Variants in ATP11B observed in about 807,000 individuals in gnomAD.
The protein encoded by ATP11B is phospholipid-transporting ATPase IF.
ATP11B carries 81 observed loss-of-function variants against 157.8 expected under a neutral mutation model. The observed-to-expected ratio is 0.51, with a 90% CI of 0.43 to 0.62. ATP11B has a LOEUF of 0.62. ATP11B is among the 20% of genes least tolerant of loss of function. The probability of loss-of-function intolerance (pLI) is 0.00; values close to 1 mark genes in which losing one functional copy is unlikely to be tolerated. For missense variants in ATP11B, 1,165 were observed against 1,402.2 expected (o/e 0.83, Z 2.70); for synonymous variants, 451 against 469.4 (o/e 0.96, Z 0.51).
At chr3:182,881,122 C>T in intron 21 of ATP11B, 141 bp downstream of exon 21, 2 of 548,296 alleles carry the variant, frequency 3.6e-6, no homozygotes, top group South Asian at 6.4e-5. Flanking sequence ...TAATATAGCA[C>T]AGTGTGCCCC....
Position 182,845,395 on chromosome 3 carries a change from A to G in ATP11B, c.705-63A>G, listed in dbSNP as rs570990408. 702 of 1,384,394 alleles carry G rather than the reference A, an allele frequency of 5.1e-4. 4 individuals are homozygous for G. The highest frequency in any genetic ancestry group is 3.6e-3 in the Middle Eastern group (20 of 5,556). 85.8% of individuals were successfully genotyped at this position (1,384,394 alleles called of 1,614,324 possible). A position where few individuals can be genotyped will look rare whatever the true frequency, so the allele number is the denominator to read the frequency against. On this transcript the variant is annotated intron_variant, in intron 8 of 29. Transcript: ENST00000323116. ...TTAAGTACCTTCTGCTGAAGATGCCATTTCAGAATTGAAGAGTTTTTAATA... is the reference window on the plus strand; with the variant it reads ...TTAAGTACCTTCTGCTGAAGATGCCGTTTCAGAATTGAAGAGTTTTTAATA...
chr3:182,859,121 G>C, intron 11 of ATP11B, 41 bp from the exon 12 acceptor site: 1 of 1,471,062 alleles, frequency 6.8e-7, no homozygotes, highest in Non-Finnish European at 9.3e-7. Context: ...AGAAATTCTA[G>C]TTTATTTTTT....
At chr3:182,837,812 A>G (rs1718671096) in intron 7 of ATP11B, among the ~76,000 whole-genome samples, 1 of 152,104 alleles carries the variant, frequency 6.6e-6, no homozygotes, top group East Asian at 1.9e-4. Context: ...AGAGGAACTA[A>G]CTGCTTTTAA....
At chr3:182,812,702 T>A (rs893058340) in intron 1 of ATP11B, among the ~76,000 whole-genome samples, 2 of 152,206 alleles carry the variant, frequency 1.3e-5, no homozygotes, top group Non-Finnish European at 2.9e-5. Context: ...GAAGTTGATT[T>A]CTAAAAATTG....
chr3:182,835,130 G>A (rs1056380040), intron 4 of ATP11B, among the ~76,000 whole-genome samples: 3 of 152,042 alleles, frequency 2.0e-5, no homozygotes, highest in Admixed American at 6.6e-5. Context: ...GGGTGGCAGA[G>A]GTACAAGAGG....
chr3:182,904,879 ACTT>A (rs1333739863), intron 28 of ATP11B, among the ~76,000 whole-genome samples: 4 of 134,930 alleles, frequency 3.0e-5, no homozygotes, highest in South Asian at 2.4e-4. Flanking sequence ...GCAGAGTGGG[ACTT>A]CTTCTTAAAA....
intron 28 of ATP11B, among the ~76,000 whole-genome samples, chr3:182,912,367 A>T (rs924080656): frequency 1.3e-5 from 2 of 152,020 alleles, no homozygotes; most frequent in Admixed American, 1.3e-4. Context: ...ATGTATCCTG[A>T]CTTCACAGTC....
intron 10 of ATP11B, among the ~76,000 whole-genome samples, chr3:182,850,181 A>T (rs1719859705): frequency 1.3e-5 from 2 of 152,142 alleles, no homozygotes; most frequent in African/African-American, 4.8e-5. Flanking sequence ...CATATAAATA[A>T]TCAACTCAAC....
intron 28 of ATP11B, chr3:182,902,520 G>A (rs761950526): frequency 1.6e-5 from 20 of 1,289,212 alleles, no homozygotes; most frequent in Non-Finnish European, 1.9e-5. Context: ...CGAGTTCATC[G>A]CACTGCAGCC....
At chr3:182,865,367 T>C in intron 12 of ATP11B, 89 bp from the exon 13 acceptor site, 1 of 1,334,746 alleles carries the variant, frequency 7.5e-7, no homozygotes, top group South Asian at 1.5e-5. Flanking sequence ...AAACTGGACT[T>C]CAGGAGAGCG....
intron 4 of ATP11B, 28 bp downstream of exon 4, chr3:182,829,780 T>C: frequency 6.6e-7 from 1 of 1,516,892 alleles, no homozygotes; most frequent in Non-Finnish European, 9.0e-7. Context: ...TTTTTAATTT[T>C]CCTCTAAGTC....
intron 19 of ATP11B, among the ~76,000 whole-genome samples, chr3:182,878,338 A>G (rs1280714857): frequency 6.6e-6 from 1 of 152,168 alleles, no homozygotes; most frequent in Non-Finnish European, 1.5e-5. Context: ...AAGTGGAGGG[A>G]TAGTTCTCAG....
intron 1 of ATP11B, among the ~76,000 whole-genome samples, chr3:182,801,996 G>T (rs1716042952): frequency 6.6e-6 from 1 of 152,018 alleles, no homozygotes; most frequent in Non-Finnish European, 1.5e-5. Context: ...AAAGACACAT[G>T]AATCAAAAAA....
chr3:182,828,315 A>G (rs952662358), intron 3 of ATP11B, 106 bp downstream of exon 3: 1 of 520,738 alleles, frequency 1.9e-6, no homozygotes, highest in South Asian at 3.8e-5. Flanking sequence ...CCATGTGACC[A>G]TTTTTTCTGC....
At chr3:182,810,264 G>A (rs978988292) in intron 1 of ATP11B, among the ~76,000 whole-genome samples, 3 of 151,984 alleles carry the variant, frequency 2.0e-5, no homozygotes, top group Non-Finnish European at 2.9e-5. Context: ...CCCAGGAGGT[G>A]GAGGTTGCAG....
chr3:182,836,519 T>C, intron 6 of ATP11B, 49 bp downstream of exon 6: 2 of 1,609,708 alleles, frequency 1.2e-6, no homozygotes, highest in East Asian at 2.2e-5. Context: ...AAAGTGTCTT[T>C]GGATTATAAT....
intron 11 of ATP11B, 50 bp downstream of exon 11, chr3:182,858,078 A>G (rs1416522533): frequency 6.6e-7 from 1 of 1,518,752 alleles, no homozygotes; most frequent in Non-Finnish European, 9.1e-7. Context: ...ATTACTTGGC[A>G]CGATTAGTGC....
chr3:182,896,665 A>G (rs187226851), intron 25 of ATP11B, 35 bp from the exon 26 acceptor site: 1 of 1,524,478 alleles, frequency 6.6e-7, no homozygotes, highest in East Asian at 2.3e-5. Flanking sequence ...ACATTATGTT[A>G]ACACGTAATG....
chr3:182,856,664 C>T (rs1333904669), intron 10 of ATP11B, among the ~76,000 whole-genome samples: 1 of 152,158 alleles, frequency 6.6e-6, no homozygotes, highest in African/African-American at 2.4e-5. Flanking sequence ...ATGCCTAATA[C>T]ATAATAACCA....
Sources: gnomAD v4.1 joint callset for allele counts (sites outside exome capture counted in the v4.1 genomes callset) on GRCh38, gnomAD v4.1.1 for gene constraint, MANE v1.5 for transcripts, NCBI Gene and HGNC (gene_info 2026-07-23, HGNC 2026-07-21) for gene names.